Variants in DNAI7 observed in about 807,000 individuals in gnomAD.
DNAI7 encodes dynein axonemal intermediate chain 7.
A neutral mutation model predicts 86.6 loss-of-function variants in DNAI7; 78 were observed. That is an observed-to-expected ratio of 0.90 (90% CI 0.75 to 1.09). The LOEUF (loss-of-function observed/expected upper bound fraction) is 1.09. DNAI7 is among the 50% of genes least tolerant of loss of function. The probability of loss-of-function intolerance (pLI) is 0.00; values close to 1 mark genes in which losing one functional copy is unlikely to be tolerated. For synonymous variants in DNAI7, 274 were observed against 273.0 expected (o/e 1.00, Z -0.04); for missense variants, 753 against 810.2 (o/e 0.93, Z 0.86).
chr12:25,114,103 G>C, intron 13 of DNAI7, among the ~76,000 whole-genome samples: 1 of 150,216 alleles, frequency 6.7e-6, no homozygotes, highest in East Asian at 2.0e-4. Flanking sequence ...GTGCCACCAC[G>C]CCTGGCTAAT....
At chr12:25,107,810 CTTATAG>C (rs755187002), downstream of DNAI7, 4 of 1,608,088 alleles carry the variant, frequency 2.5e-6, no homozygotes, top group Non-Finnish European at 3.4e-6. Context: ...TTGTGTTTTC[CTTATAG>C]TTATGACACA....
intron 9 of DNAI7, among the ~76,000 whole-genome samples, chr12:25,125,255 T>C (rs1355537468): frequency 6.6e-6 from 1 of 152,196 alleles, no homozygotes; most frequent in Non-Finnish European, 1.5e-5. Context: ...AAGTGTTCCC[T>C]ATTCCCCGCA....
At chr12:25,114,361 C>G (rs1939641674) in intron 13 of DNAI7, among the ~76,000 whole-genome samples, 1 of 152,162 alleles carries the variant, frequency 6.6e-6, no homozygotes, top group Admixed American at 6.5e-5. Context: ...GGATCAAAAA[C>G]TCTGAAATTC....
chr12:25,143,232 A>G (rs1331950787), intron 9 of DNAI7, among the ~76,000 whole-genome samples: 1 of 144,678 alleles, frequency 6.9e-6, no homozygotes, highest in Non-Finnish European at 1.5e-5. Context: ...CTACATTGCT[A>G]CAGAGTCTTC....
chr12:25,113,938 G>GTTTTTT (rs112532652), intron 13 of DNAI7, among the ~76,000 whole-genome samples: 67 of 82,814 alleles, frequency 8.1e-4, no homozygotes, highest in African/African-American at 2.2e-3. Flanking sequence ...TTCTTTCTGG[G>GTTTTTT]TTTTTTTTTT....
intron 6 of DNAI7, 149 bp from the exon 7 acceptor site, chr12:25,149,923 T>C: frequency 1.8e-6 from 1 of 543,112 alleles, no homozygotes; most frequent in Non-Finnish European, 3.2e-6. Context: ...TAATTTAAGA[T>C]CATAAACAAA....
At chr12:25,163,301 G>A (rs1230448836) in intron 2 of DNAI7, among the ~76,000 whole-genome samples, 1 of 151,988 alleles carries the variant, frequency 6.6e-6, no homozygotes, top group African/African-American at 2.4e-5. Context: ...CTTAACTGAT[G>A]ACATTCCGCC....
At chr12:25,152,246 C>T (rs889224411) in intron 6 of DNAI7, among the ~76,000 whole-genome samples, 1 of 152,180 alleles carries the variant, frequency 6.6e-6, no homozygotes, top group Admixed American at 6.5e-5. Flanking sequence ...CAGAGGATGG[C>T]GGCTGATTGC....
intron 8 of DNAI7, 66 bp downstream of exon 8, chr12:25,146,935 G>T: frequency 1.2e-6 from 1 of 828,092 alleles, no homozygotes; most frequent in Non-Finnish European, 2.1e-6. Flanking sequence ...GCATCTATCT[G>T]GCAATCATGA....
intron 3 of DNAI7, among the ~76,000 whole-genome samples, chr12:25,160,416 T>C (rs529218611): frequency 2.0e-5 from 3 of 152,240 alleles, no homozygotes; most frequent in Non-Finnish European, 4.4e-5. Context: ...GACTCCACCC[T>C]GACTCATTCT....
At chr12:25,129,177 C>G (rs934687660) in intron 9 of DNAI7, among the ~76,000 whole-genome samples, 4 of 152,146 alleles carry the variant, frequency 2.6e-5, no homozygotes, top group African/African-American at 9.7e-5. Flanking sequence ...CTAAATAATA[C>G]CCCATCAAAC....
intron 13 of DNAI7, among the ~76,000 whole-genome samples, chr12:25,114,015 G>A (rs1385250161): frequency 7.5e-6 from 1 of 134,026 alleles, no homozygotes; most frequent in Non-Finnish European, 1.5e-5. Context: ...GTACGATCTC[G>A]GCTCATGGCA....
In DNAI7 at chr12:25,147,034, A is replaced by G; in HGVS notation, c.656T>C (p.Leu219Pro). The G allele has an allele frequency of 6.2e-7, 1 of 1,603,738 alleles. No homozygotes were observed. Among genetic ancestry groups the G allele is most frequent in the Non-Finnish European group, 8.5e-7 (1 of 1,170,532 alleles). ...CTTCTTGAGGTTTGCCCACACATAC[A>G]GAGTAACATTTTCATCTTTAATGAC... Reference protein sequence around the residue: ...EKVIKDENVTLYVWANLKKNP... With the variant: ...EKVIKDENVTPYVWANLKKNP... The change falls in exon 8 of 16, where the codon CTG (leucine) becomes CCG (proline). Residue 219 changes from leucine (L) to proline (P), a missense_variant. Physicochemically the swap from Leu to Pro is moderately conservative, Grantham distance 98. Coordinates refer to ENST00000395987, the MANE Select transcript of DNAI7 (RefSeq NM_018272.5).
intron 2 of DNAI7, among the ~76,000 whole-genome samples, chr12:25,184,154 T>TA (rs1329720631): frequency 1.3e-5 from 2 of 152,240 alleles, no homozygotes; most frequent in African/African-American, 4.8e-5. Flanking sequence ...TTCACCCATA[T>TA]AAAGTGCACA....
chr12:25,113,375 C>T (rs1405374178), intron 13 of DNAI7, among the ~76,000 whole-genome samples: 1 of 152,126 alleles, frequency 6.6e-6, no homozygotes, highest in Non-Finnish European at 1.5e-5. Flanking sequence ...AATCTTGGCT[C>T]ACTGCAACCT....
intron 9 of DNAI7, among the ~76,000 whole-genome samples, chr12:25,141,058 A>T (rs1047752054): frequency 3.9e-5 from 6 of 152,206 alleles, no homozygotes; most frequent in Admixed American, 3.3e-4. Flanking sequence ...TACAAAAATC[A>T]ACTCAAAATG....
intron 9 of DNAI7, among the ~76,000 whole-genome samples, chr12:25,132,045 AG>A (rs1942990468): frequency 1.3e-5 from 2 of 152,062 alleles, no homozygotes; most frequent in Non-Finnish European, 2.9e-5. Flanking sequence ...GAAGACAAGT[AG>A]AAGTTAGGTA....
downstream of DNAI7, chr12:25,107,113 G>T: frequency 1.2e-6 from 1 of 862,224 alleles, no homozygotes; most frequent in South Asian, 1.7e-5. Context: ...AGGCAGGGCT[G>T]ACAGTATTAA....
chr12:25,108,591 A>G lies in DNAI7; in HGVS notation c.2126T>C (p.Val709Ala). Residue 709 changes from valine (V) to alanine (A), a missense_variant, in exon 16 of 16, where the codon GTG becomes GCG. Physicochemically the swap from Val to Ala is moderately conservative, Grantham distance 64. Transcript: ENST00000395987. ...RSSNCQFVNSVCHMLLSTRLL... is the reference protein window; with the variant it reads ...RSSNCQFVNSACHMLLSTRLL... The stretch of plus-strand genomic sequence containing the variant: ...TCTGGTAGAGAGCAGCATGTGGCAC[A>G]CAGAGTTGACAAACTGACAGTTGGA... 6.2e-7 allele frequency: 1 copy of G among 1,613,958 alleles called. No homozygotes were observed. The highest frequency in any genetic ancestry group is 8.5e-7 in the Non-Finnish European group (1 of 1,179,932).
Sources: allele counts gnomAD v4.1 joint callset (sites outside exome capture counted in the v4.1 genomes callset), GRCh38; gene constraint gnomAD v4.1.1; transcripts MANE v1.5; gene names NCBI Gene and HGNC (gene_info 2026-07-23, HGNC 2026-07-21).